The following CARS1 variants were observed in gnomAD, a reference collection of about 807,000 sequenced individuals.
CARS1 encodes the protein cysteinyl-tRNA synthetase 1.
Under a neutral mutation model 106.2 loss-of-function variants are expected in CARS1, and 48 were observed. That is an observed-to-expected ratio of 0.45 (90% CI 0.36 to 0.57). The LOEUF (loss-of-function observed/expected upper bound fraction) is 0.57, where lower values mean the gene tolerates loss of function less well. Ranked by LOEUF, CARS1 falls within the 20% of genes least tolerant of loss-of-function variation. The pLI is 0.00. For synonymous variants in CARS1, 409 were observed against 403.4 expected, an observed-to-expected ratio of 1.01 and a Z score of -0.17; for missense variants, 968 against 1,057.2, an observed-to-expected ratio of 0.92 and a Z score of 1.17.
chr11:3,040,581 G>C lies in CARS1; in HGVS notation c.455+315C>G, dbSNP rs1206855725. ...CTCAGCATCTGGGGACCCCACGAGA[G>C]CTTGAGGGATGAGAGAAAACTTTAA... On this transcript the variant is annotated intron_variant, in intron 4 of 22. Coordinates refer to ENST00000380525, the MANE Select transcript of CARS1 (RefSeq NM_001014437.3). The surrounding 1 kb of genome is among the most constrained non-coding windows in gnomAD (Gnocchi z 5.8). 2 of 534,332 alleles carry C rather than the reference G, an allele frequency of 3.7e-6. No individual in the cohort carries two copies. Among genetic ancestry groups the C allele is most frequent in the Admixed American group, 2.2e-5 (1 of 44,800 alleles). The allele number at this position is 534,332 out of a possible 1,614,324, so 33.1% of individuals were successfully genotyped here. A position where few individuals can be genotyped will look rare whatever the true frequency, so the allele number is the denominator to read the frequency against.
chr11:3,017,707 A>C lies in CARS1; in HGVS notation c.1727+150T>G, dbSNP rs533536113. The C allele has an allele frequency of 4.9e-6, 3 of 615,502 alleles. No homozygotes were observed. The South Asian group carries it at 6.1e-5, about 12-fold the overall frequency. 38.1% of individuals were successfully genotyped at this position (615,502 alleles called of 1,614,324 possible). On this transcript the variant is annotated intron_variant, in intron 15 of 22. Transcript: ENST00000380525. The surrounding 1 kb of genome is among the most constrained non-coding windows in gnomAD (Gnocchi z 4.9). Reference sequence around the variant, plus strand: ...AACACCCAGAGCAGCTCCCATTAGCAGAGCCGCCTATCCTGAATTAATTCT... The same window carrying C: ...AACACCCAGAGCAGCTCCCATTAGCCGAGCCGCCTATCCTGAATTAATTCT...
At position 3,018,626 on chromosome 11, in the gene CARS1, G is replaced by A. The variant is rs1590371717; in HGVS notation, c.1519C>T (p.His507Tyr). The A allele has an allele frequency of 6.2e-7, 1 of 1,614,218 alleles. No individual in the cohort carries two copies. The change falls in exon 13 of 23, where the codon CAC becomes TAC. Residue 507 changes from histidine (H) to tyrosine (Y), a missense_variant. By Grantham distance (83) the His-to-Tyr change is moderately conservative (BLOSUM62 2). Transcript: ENST00000380525. The part of the protein sequence containing the change: ...FITIKDALKK[H>Y]SARQLRLAFL... ...GGGAGAAGCCAGTGTATACCTGAGTGCTTTTTCAAGGCATCTTTAATGGTG... is the reference window on the plus strand; with the variant it reads ...GGGAGAAGCCAGTGTATACCTGAGTACTTTTTCAAGGCATCTTTAATGGTG...
At chr11:3,018,235 T>C in intron 14 of CARS1, 173 bp downstream of exon 14, 1 of 617,588 alleles carries the variant, frequency 1.6e-6, no homozygotes, top group Non-Finnish European at 2.8e-6. Context: ...CCGTCAGCCA[T>C]TTCAGGAGTG....
intron 21 of CARS1, 169 bp from the exon 22 acceptor site, chr11:3,002,222 G>A: frequency 1.5e-6 from 1 of 673,474 alleles, no homozygotes; most frequent in Non-Finnish European, 2.6e-6. Flanking sequence ...AACATACAAG[G>A]AATTTAAAAT....
In CARS1 at chr11:3,039,154, C is replaced by T. The variant is rs1254041846; in HGVS notation, c.651+40G>A. ...CCTACAAAGGACCGAGAACAGAAAG[C>T]AAAGGGCTCGGTTTCTAGAGCAGAC... On this transcript the variant is annotated intron_variant, in intron 6 of 22. Coordinates refer to ENST00000380525, the MANE Select transcript of CARS1 (RefSeq NM_001014437.3). This position sits in a 1 kb window ranked among gnomAD's most constrained non-coding sequence, Gnocchi z 5.6. 7.6e-7 allele frequency: 1 copy of T among 1,316,450 alleles called. No individual in the cohort carries two copies. Among genetic ancestry groups the T allele is most frequent in the Admixed American group, 1.7e-5 (1 of 58,556 alleles). The allele number at this position is 1,316,450 out of a possible 1,614,324, so 81.5% of individuals were successfully genotyped here.
At chr11:3,018,550 C>T (rs372843593) in intron 13 of CARS1, 39 bp from the exon 14 acceptor site, 7 of 1,612,562 alleles carry the variant, frequency 4.3e-6, no homozygotes, top group Middle Eastern at 1.6e-4. Flanking sequence ...CCTTATTCTC[C>T]CGAGTGCTAC....
Position 3,019,121 on chromosome 11 carries a change from G to T in CARS1, c.1395+18C>A. 6.7e-7 allele frequency: 1 copy of T among 1,502,094 alleles called. No individual in the cohort carries two copies. Among genetic ancestry groups the T allele is most frequent in the Non-Finnish European group, 8.9e-7 (1 of 1,128,220 alleles). 93.0% of individuals were successfully genotyped at this position (1,502,094 alleles called of 1,614,324 possible). On this transcript the variant is annotated intron_variant, in intron 12 of 22. Transcript: ENST00000380525. The surrounding 1 kb of genome is among the most constrained non-coding windows in gnomAD (Gnocchi z 6.2). ...ACTGTGCTCTTGCACCTGACAAGGGGACTCTGTTTTCACCTACCTCCGACT... is the reference window on the plus strand; with the variant it reads ...ACTGTGCTCTTGCACCTGACAAGGGTACTCTGTTTTCACCTACCTCCGACT...
intron 16 of CARS1, among the ~76,000 whole-genome samples, chr11:3,016,522 G>A (rs1453031285): frequency 6.6e-6 from 1 of 152,014 alleles, no homozygotes; most frequent in Non-Finnish European, 1.5e-5. Context: ...AGCGCCTGGC[G>A]TGGTTTTGCT....
chr11:3,022,491 G>A lies in CARS1; in HGVS notation c.1154-2159C>T, dbSNP rs978319557. Among the ~76,000 whole-genome samples the A allele has an allele frequency of 1.3e-5, 2 of 152,108 alleles. No individual in the cohort carries two copies. Among genetic ancestry groups the A allele is most frequent in the Admixed American group, 6.5e-5 (1 of 15,276 alleles). On this transcript the variant is annotated intron_variant, in intron 10 of 22. Transcript: ENST00000380525. This position sits in a 1 kb window ranked among gnomAD's most constrained non-coding sequence, Gnocchi z 4.9. ...CATTTGTCCACCATACAATTACTACGCTTCTTCTACGGCAACCCCTGGTAT... is the reference window on the plus strand; with the variant it reads ...CATTTGTCCACCATACAATTACTACACTTCTTCTACGGCAACCCCTGGTAT...
At position 3,041,846 on chromosome 11, in the gene CARS1, G is replaced by A. The variant is rs577073633; in HGVS notation, c.366+319C>T. On this transcript the variant is annotated intron_variant, in intron 3 of 22. Transcript: ENST00000380525. The surrounding 1 kb of genome is among the most constrained non-coding windows in gnomAD (Gnocchi z 4.9). ...GCAACCACGCGTCCTCCTGAAAGGC[G>A]TGGCTGTGGATGACCTCAAGTACTC... 1.2e-4 allele frequency among the ~76,000 whole-genome samples: 18 copies of A among 152,266 alleles called. No individual in the cohort carries two copies. Among genetic ancestry groups the A allele is most frequent in the South Asian group, 2.1e-4 (1 of 4,822 alleles).
chr11:3,039,988 CCAA>C lies in CARS1; in HGVS notation c.456-60_456-58del. The C allele has an allele frequency of 1.1e-6, 1 of 892,098 alleles. No homozygotes were observed. The highest frequency in any genetic ancestry group is 1.8e-6 in the Non-Finnish European group (1 of 563,916). The allele number at this position is 892,098 out of a possible 1,614,324, so 55.3% of individuals were successfully genotyped here. A position where few individuals can be genotyped will look rare whatever the true frequency, so the allele number is the denominator to read the frequency against. ...CCAGACGATATGTATAGCTTAACCT[CCAA>C]CAACACGTGTTTGAACTGCATGAGT... On this transcript the variant is annotated intron_variant, in intron 4 of 22. Transcript: ENST00000380525. The surrounding 1 kb of genome is among the most constrained non-coding windows in gnomAD (Gnocchi z 5.6).
At chr11:3,047,134 A>G (rs952170639) in intron 2 of CARS1, among the ~76,000 whole-genome samples, 1 of 151,990 alleles carries the variant, frequency 6.6e-6, no homozygotes, top group Non-Finnish European at 1.5e-5. Context: ...AAAATTAGCC[A>G]GGCATGGTGG....
intron 16 of CARS1, 43 bp from the exon 17 acceptor site, chr11:3,015,892 A>C: frequency 6.5e-7 from 1 of 1,537,914 alleles, no homozygotes. Flanking sequence ...CGGCAAGATG[A>C]AGGCGGCATG....
chr11:3,020,433 T>A lies in CARS1; in HGVS notation c.1154-101A>T. 1.4e-6 allele frequency: 1 copy of A among 699,788 alleles called. No homozygotes were observed. The highest frequency in any genetic ancestry group is 1.5e-5 in the South Asian group (1 of 66,070). 43.3% of individuals were successfully genotyped at this position (699,788 alleles called of 1,614,324 possible). On this transcript the variant is annotated intron_variant, in intron 10 of 22. Transcript: ENST00000380525. The surrounding 1 kb of genome is among the most constrained non-coding windows in gnomAD (Gnocchi z 4.6). ...CACGGTGCCTAATGGGCAGTCCTTC[T>A]GACTAACTTCTGTTTATTAACTTGG...
intron 22 of CARS1, 67 bp downstream of exon 22, chr11:3,001,903 C>T: frequency 8.1e-7 from 1 of 1,232,766 alleles, no homozygotes; most frequent in Non-Finnish European, 1.2e-6. Flanking sequence ...TTGAAAATTC[C>T]TGTCCTCCCA....
intron 7 of CARS1, chr11:3,031,621 T>C (rs1457628863): frequency 6.6e-6 from 1 of 152,208 alleles, no homozygotes; most frequent in African/African-American, 2.4e-5. Context: ...CTTAGATCCA[T>C]AAGAGAAGTT....
intron 21 of CARS1, chr11:3,002,310 C>A (rs1299704314): frequency 4.2e-6 from 3 of 718,540 alleles, no homozygotes; most frequent in Non-Finnish European, 4.6e-6. Flanking sequence ...TAAACGCTGT[C>A]TTGGAGCTTG....
Position 3,019,318 on chromosome 11 carries a change from G to T in CARS1, c.1267-51C>A. 7.4e-7 allele frequency: 1 copy of T among 1,359,916 alleles called. No individual in the cohort carries two copies. The highest frequency in any genetic ancestry group is 9.5e-7 in the Non-Finnish European group (1 of 1,048,604). 84.2% of individuals were successfully genotyped at this position (1,359,916 alleles called of 1,614,324 possible). On this transcript the variant is annotated intron_variant, in intron 11 of 22. Coordinates refer to ENST00000380525, the MANE Select transcript of CARS1 (RefSeq NM_001014437.3). This position sits in a 1 kb window ranked among gnomAD's most constrained non-coding sequence, Gnocchi z 6.2. ...CTGACCAGCCTACCCGCTTGTCCAG[G>T]CCTTTATCACTTATCACTCCAAGTT...
chr11:3,011,202 G>A (rs1019270631), intron 18 of CARS1, among the ~76,000 whole-genome samples: 2 of 152,276 alleles, frequency 1.3e-5, no homozygotes, highest in African/African-American at 4.8e-5. Flanking sequence ...AGGCCTGCCT[G>A]ATGCTGCTTT....
Sources: gnomAD v4.1 joint callset for allele counts (sites outside exome capture counted in the v4.1 genomes callset) on GRCh38, gnomAD v4.1.1 for gene constraint, Gnocchi (gnomAD v3.1) non-coding constraint, MANE v1.5 for transcripts, NCBI Gene and HGNC (gene_info 2026-07-23, HGNC 2026-07-21) for gene names.